The following IRAG1 variants were observed in gnomAD, a reference collection of about 807,000 sequenced individuals.
The protein encoded by IRAG1 is IP3R-associated cGMP kinase substrate.
IRAG1 carries 62 observed loss-of-function variants against 106.2 expected under a neutral mutation model. The ratio of observed to expected loss-of-function variants is 0.58; its 90% CI spans 0.48 to 0.72. The LOEUF (loss-of-function observed/expected upper bound fraction) is 0.72, where lower values mean the gene tolerates loss of function less well. IRAG1 is among the 30% of genes least tolerant of loss of function. IRAG1 has a pLI of 0.00. For synonymous variants in IRAG1, 462 were observed against 443.9 expected, an observed-to-expected ratio of 1.04 and a Z score of -0.51; for missense variants, 1,064 against 1,140.7, an observed-to-expected ratio of 0.93 and a Z score of 0.97.
At chr11:10,655,693 G>A (rs1453124228) in intron 1 of IRAG1, among the ~76,000 whole-genome samples, 2 of 152,146 alleles carry the variant, frequency 1.3e-5, no homozygotes, top group Non-Finnish European at 2.9e-5. Context: ...AAGACCTGAC[G>A]ATTCCATCCC....
intron 18 of IRAG1, among the ~76,000 whole-genome samples, chr11:10,587,802 T>G (rs747255142): frequency 6.6e-6 from 1 of 152,142 alleles, no homozygotes; most frequent in Non-Finnish European, 1.5e-5. Context: ...AGCTCTTAAA[T>G]TCATCCTCTT....
intron 8 of IRAG1, among the ~76,000 whole-genome samples, chr11:10,626,934 C>A (rs117836546): frequency 2.0e-5 from 3 of 152,158 alleles, no homozygotes; most frequent in Non-Finnish European, 4.4e-5. Context: ...GGTTTGTGAA[C>A]CCTCTGAAAT....
In IRAG1 at chr11:10,629,089, C is replaced by A. The variant is rs143085559; in HGVS notation, c.575-261G>T. On this transcript the variant is annotated intron_variant, in intron 5 of 20. Coordinates refer to ENST00000423302, the MANE Select transcript of IRAG1 (RefSeq NM_130385.4). ...CAGCCTGCCTGGCCTGACCTCAAGG[C>A]ACTGTCCAGAAACTGAGGCCTGGCG... is the stretch of plus-strand genomic sequence containing the variant. Among the ~76,000 whole-genome samples the A allele has an allele frequency of 1.2e-3, 182 of 152,262 alleles. 2 individuals carry two copies. The Middle Eastern group carries it at 0.031, about 26-fold the overall frequency.
At chr11:10,617,293 G>C (rs528105923) in intron 10 of IRAG1, 1 of 634,916 alleles carries the variant, frequency 1.6e-6, no homozygotes, top group Admixed American at 6.3e-5. Flanking sequence ...TCTTACAATA[G>C]TACTGCAAAT....
chr11:10,633,955 C>G lies in IRAG1; in HGVS notation c.329+13G>C, dbSNP rs1856938336. On this transcript the variant is annotated intron_variant, in intron 3 of 20. Coordinates refer to ENST00000423302, the MANE Select transcript of IRAG1 (RefSeq NM_130385.4). ...ATATTGTTTGTCACAATGCAAGGATCAGGCACCTGTACCTGTTGGCCAGGT... is the reference window on the plus strand; with the variant it reads ...ATATTGTTTGTCACAATGCAAGGATGAGGCACCTGTACCTGTTGGCCAGGT... 1 of 1,548,770 alleles carries G rather than the reference C, an allele frequency of 6.5e-7. No individual in the cohort carries two copies. Among genetic ancestry groups the G allele is most frequent in the South Asian group, 1.1e-5 (1 of 87,970 alleles).
Position 10,652,079 on chromosome 11 carries a change from G to A in IRAG1, c.171C>T (p.Pro57=), listed in dbSNP as rs760552962. ...SQQEAAMPHI[P]EDEEPPGEPQ... is the part of the protein sequence containing the mutation. The stretch of plus-strand genomic sequence containing the variant: ...GCTCTCCGGGGGGCTCCTCGTCCTC[G>A]GGAATGTGGGGCATGGCAGCCTCCT... The change falls in exon 2 of 21, where the codon CCC becomes CCT. Residue 57 remains proline (P), a synonymous_variant. Coordinates refer to ENST00000423302, the MANE Select transcript of IRAG1 (RefSeq NM_130385.4). 1.1e-5 allele frequency: 18 copies of A among 1,602,546 alleles called. No homozygotes were observed. The highest frequency in any genetic ancestry group is 9.0e-5 in the East Asian group (4 of 44,240).
In IRAG1 at chr11:10,690,489, G is replaced by A; in HGVS notation, c.67+3047C>T. On this transcript the variant is annotated intron_variant, in intron 1 of 20. Coordinates refer to ENST00000423302, the MANE Select transcript of IRAG1 (RefSeq NM_130385.4). ...AGGGTCATGGGCGTGAGTTACCTCT[G>A]CTAAGACTCTGAATTTGAAGGCCCA... The A allele has an allele frequency of 7.4e-6, 9 of 1,213,404 alleles. No individual in the cohort carries two copies. The Middle Eastern group carries it at 7.0e-4, about 94-fold the overall frequency. 75.2% of individuals were successfully genotyped at this position (1,213,404 alleles called of 1,614,324 possible).
chr11:10,692,323 GTC>G (rs1862121805), intron 1 of IRAG1, among the ~76,000 whole-genome samples: 1 of 152,124 alleles, frequency 6.6e-6, no homozygotes, highest in Admixed American at 6.5e-5. Context: ...TGGCATTCAC[GTC>G]TGTGTTGAGA....
intron 2 of IRAG1, among the ~76,000 whole-genome samples, chr11:10,651,550 TTTAAA>T (rs1160236003): frequency 2.3e-3 from 344 of 151,436 alleles, no homozygotes; most frequent in African/African-American, 8.1e-3. Context: ...TTGATGTCTC[TTTAAA>T]TTAATCTGCT....
At chr11:10,678,130 T>G (rs921099489) in intron 1 of IRAG1, among the ~76,000 whole-genome samples, 7 of 152,226 alleles carry the variant, frequency 4.6e-5, no homozygotes, top group African/African-American at 1.7e-4. Flanking sequence ...AATAGTGCTG[T>G]TACACTGTGA....
At chr11:10,590,819 C>A (rs1852559178) in intron 18 of IRAG1, among the ~76,000 whole-genome samples, 1 of 152,202 alleles carries the variant, frequency 6.6e-6, no homozygotes, top group Admixed American at 6.5e-5. Context: ...TTCCTTCCTA[C>A]TTCCTAACAG....
At chr11:10,681,126 AGTTT>A (rs1336880394) in intron 1 of IRAG1, among the ~76,000 whole-genome samples, 30 of 152,198 alleles carry the variant, frequency 2.0e-4, no homozygotes, top group African/African-American at 7.2e-4. Context: ...GGTGCCTATG[AGTTT>A]CACCACTTCC....
intron 3 of IRAG1, 52 bp downstream of exon 3, chr11:10,633,916 T>C (rs1856935036): frequency 1.4e-5 from 15 of 1,080,900 alleles, no homozygotes; most frequent in Middle Eastern, 2.1e-4. Context: ...TGTCTGATCC[T>C]CATGTTCTAG....
At chr11:10,643,198 AAG>A (rs1857670987) in intron 2 of IRAG1, among the ~76,000 whole-genome samples, 1 of 150,840 alleles carries the variant, frequency 6.6e-6, no homozygotes, top group Non-Finnish European at 1.5e-5. Context: ...AAAAAAAAAA[AAG>A]GACTCTCTGG....
At chr11:10,591,455 G>T in intron 18 of IRAG1, 93 bp downstream of exon 18, 1 of 1,141,284 alleles carries the variant, frequency 8.8e-7, no homozygotes, top group Non-Finnish European at 1.3e-6. Flanking sequence ...GCTTTCCACT[G>T]CATTTTGGGG....
intron 15 of IRAG1, among the ~76,000 whole-genome samples, chr11:10,594,988 G>A (rs780326028): frequency 2.0e-5 from 3 of 152,188 alleles, no homozygotes; most frequent in East Asian, 1.9e-4. Context: ...GCAGTGGCAC[G>A]ATCTTGGTTC....
intron 1 of IRAG1, among the ~76,000 whole-genome samples, chr11:10,677,041 A>C (rs1313538934): frequency 6.6e-6 from 1 of 152,098 alleles, no homozygotes; most frequent in East Asian, 1.9e-4. Flanking sequence ...TCATGTCCCA[A>C]CTTCCTCAGA....
rs773904927 is a variant in IRAG1, at chr11:10,580,445, G to T, written c.2495+10C>A. 16 of 1,606,612 alleles carry T rather than the reference G, an allele frequency of 1.0e-5. No individual in the cohort carries two copies. Among genetic ancestry groups the T allele is most frequent in the Non-Finnish European group, 1.3e-5 (15 of 1,177,818 alleles). On this transcript the variant is annotated intron_variant, in intron 20 of 20. Coordinates refer to ENST00000423302, the MANE Select transcript of IRAG1 (RefSeq NM_130385.4). ...AGCAACGGCAAGGACTCCAAACACA[G>T]GCTTCCCACCTGCTTCTTGGGCCCT...
chr11:10,665,564 G>C lies in IRAG1; in HGVS notation c.68-13382C>G, dbSNP rs1859724039. Among the ~76,000 whole-genome samples the C allele has an allele frequency of 6.6e-6, 1 of 152,288 alleles. No individual in the cohort carries two copies. The highest frequency in any genetic ancestry group is 1.5e-5 in the Non-Finnish European group (1 of 68,026). On this transcript the variant is annotated intron_variant, in intron 1 of 20. Transcript: ENST00000423302. The surrounding 1 kb of genome is among the most constrained non-coding windows in gnomAD (Gnocchi z 4.2). ...CTACCTATCCCTCAGCTCAGAGCTGGATAGGCTCTCACTCTCAACCCTCCC... is the reference window on the plus strand; with the variant it reads ...CTACCTATCCCTCAGCTCAGAGCTGCATAGGCTCTCACTCTCAACCCTCCC...
Sources: allele counts gnomAD v4.1 joint callset (sites outside exome capture counted in the v4.1 genomes callset), GRCh38; gene constraint gnomAD v4.1.1; non-coding constraint Gnocchi (gnomAD v3.1); transcripts MANE v1.5; gene names NCBI Gene and HGNC (gene_info 2026-07-23, HGNC 2026-07-21).